Variants in PHF14 observed in about 807,000 individuals in gnomAD.
PHF14 encodes the protein PHD finger protein 14.
PHF14 carries 55 observed loss-of-function variants against 117.9 expected under a neutral mutation model. That is an observed-to-expected ratio of 0.47 (90% CI 0.38 to 0.58). The LOEUF is 0.58. Ranked by LOEUF, PHF14 falls within the 20% of genes least tolerant of loss-of-function variation. PHF14 has a pLI of 0.00. For missense variants in PHF14, 978 were observed against 1,122.2 expected, an observed-to-expected ratio of 0.87 and a Z score of 1.84; for synonymous variants, 409 against 368.6, an observed-to-expected ratio of 1.11 and a Z score of -1.26.
intron 2 of PHF14, 142 bp downstream of exon 2, chr7:10,975,087 A>C (rs1230789796): frequency 7.7e-6 from 5 of 647,026 alleles, no homozygotes; most frequent in Non-Finnish European, 1.1e-5. Context: ...TTGATTTCCC[A>C]TTTTGCCTTT....
At chr7:11,040,640 A>T in intron 11 of PHF14, 32 bp from the exon 12 acceptor site, 8 of 1,168,590 alleles carry the variant, frequency 6.8e-6, no homozygotes, top group Non-Finnish European at 9.5e-6. Flanking sequence ...CTTTCTTAAA[A>T]CAATATATAC....
intron 16 of PHF14, among the ~76,000 whole-genome samples, chr7:11,099,822 T>C (rs998287684): frequency 6.6e-6 from 1 of 152,102 alleles, no homozygotes; most frequent in Non-Finnish European, 1.5e-5. Flanking sequence ...TCAAAAAAGA[T>C]CCTAAAGTCT....
intron 17 of PHF14, among the ~76,000 whole-genome samples, chr7:11,133,121 A>T (rs1192043119): frequency 3.3e-5 from 5 of 151,966 alleles, no homozygotes; most frequent in Non-Finnish European, 7.4e-5. Flanking sequence ...TCAAGATGTC[A>T]GTTCTTTTCA....
rs1788068477 is a variant in PHF14 at position 11,130,623 on chromosome 7, C to A, written c.2772+19156C>A. ...CCTAGTTTCCTCTGTTACCATCTTG[C>A]ATTCATGTGGTACATTTGTTAAAAA... On this transcript the variant is annotated intron_variant, in intron 17 of 17. Transcript: ENST00000634607. The surrounding 1 kb of genome is among the most constrained non-coding windows in gnomAD (Gnocchi z 4.2). Among the ~76,000 whole-genome samples the A allele has an allele frequency of 6.6e-6, 1 of 151,934 alleles. No homozygotes were observed.
Position 10,983,021 on chromosome 7 carries a change from CAAT to C in PHF14, c.763_765del (p.Asn255del). 6.3e-7 allele frequency: 1 copy of C among 1,586,098 alleles called. No individual in the cohort carries two copies. Among genetic ancestry groups the C allele is most frequent in the Non-Finnish European group, 8.6e-7 (1 of 1,169,266 alleles). On this transcript the variant is annotated inframe_deletion, in exon 3 of 18. Transcript: ENST00000634607. ...GTGATGAAGACGAGAATGATGAAGG[CAAT>C]GATGAAGATCATAGTAGCCCTGCCA...
rs189056871 is a variant in PHF14 at position 11,010,582 on chromosome 7, A to G, written c.1046-3165A>G. The stretch of plus-strand genomic sequence containing the variant: ...TATAGTTTAATTTGTAACTATTAAT[A>G]TTAACTATATTTAGCATAACTATTA... On this transcript the variant is annotated intron_variant, in intron 4 of 17. Coordinates refer to ENST00000634607, the MANE Select transcript of PHF14 (RefSeq NM_001007157.2). Among the ~76,000 whole-genome samples the G allele has an allele frequency of 5.7e-4, 87 of 152,148 alleles. No individual in the cohort carries two copies. In the East Asian group the frequency reaches 0.014, roughly 24 times the overall value.
rs544137680 is a variant in PHF14 at position 11,101,371 on chromosome 7, A to G, written c.2655-9979A>G. On this transcript the variant is annotated intron_variant, in intron 16 of 17. Coordinates refer to ENST00000634607, the MANE Select transcript of PHF14 (RefSeq NM_001007157.2). ...AAATGATTTGGTTGCTTCCTCTTGC[A>G]TTATACTTTTCCAGTAGTAAACTAC... Among the ~76,000 whole-genome samples the G allele has an allele frequency of 3.3e-5, 5 of 151,948 alleles. No individual in the cohort carries two copies. The South Asian group carries it at 8.3e-4, about 25-fold the overall frequency.
chr7:10,980,900 G>A (rs1232156568), intron 2 of PHF14, among the ~76,000 whole-genome samples: 4 of 152,138 alleles, frequency 2.6e-5, no homozygotes, highest in Non-Finnish European at 5.9e-5. Flanking sequence ...TGACCCGTAT[G>A]ATATTGCTCT....
chr7:11,106,998 T>A (rs184130265), intron 16 of PHF14: 2 of 983,040 alleles, frequency 2.0e-6, no homozygotes, highest in East Asian at 1.1e-4. Context: ...ATGTTATGGA[T>A]TTTGCTTCTT....
chr7:11,102,380 G>C (rs999284213), intron 16 of PHF14: 2 of 1,193,934 alleles, frequency 1.7e-6, no homozygotes, highest in Non-Finnish European at 2.4e-6. Context: ...CAGATCATAT[G>C]TTATTTGAAT....
chr7:11,079,770 G>A (rs573723976), intron 16 of PHF14, among the ~76,000 whole-genome samples: 14 of 152,052 alleles, frequency 9.2e-5, no homozygotes, highest in African/African-American at 2.6e-4. Flanking sequence ...TCATTTAGCT[G>A]TATTATCAAA....
chr7:11,105,220 A>G (rs966091771), intron 16 of PHF14: 4 of 959,206 alleles, frequency 4.2e-6, no homozygotes, highest in Non-Finnish European at 3.7e-6. Flanking sequence ...TAGAAATTAT[A>G]TTTATGCATT....
At position 10,995,604 on chromosome 7, in the gene PHF14, G is replaced by A. The variant is rs139784812; in HGVS notation, c.1045+4757G>A. 5.6e-3 allele frequency among the ~76,000 whole-genome samples: 849 copies of A among 152,326 alleles called. 23 individuals carry two copies. Among genetic ancestry groups the A allele is most frequent in the East Asian group, 0.028 (147 of 5,170 alleles). On this transcript the variant is annotated intron_variant, in intron 4 of 17. Coordinates refer to ENST00000634607, the MANE Select transcript of PHF14 (RefSeq NM_001007157.2). Reference sequence around the variant, plus strand: ...GGGACCGCGCCACAGAGCGGGGGCAGCACTCATAAGGGAGGCTCAGGCCAC... The same window carrying A: ...GGGACCGCGCCACAGAGCGGGGGCAACACTCATAAGGGAGGCTCAGGCCAC...
chr7:11,117,717 G>A (rs368037808), intron 17 of PHF14, among the ~76,000 whole-genome samples: 1 of 150,034 alleles, frequency 6.7e-6, no homozygotes, highest in Non-Finnish European at 1.5e-5. Flanking sequence ...GGAGTATCTT[G>A]CCACAATACA....
At chr7:11,008,259 AGATATC>A (rs1267715314) in intron 4 of PHF14, among the ~76,000 whole-genome samples, 1 of 152,218 alleles carries the variant, frequency 6.6e-6, no homozygotes, top group Non-Finnish European at 1.5e-5. Context: ...GTATGCAAAA[AGATATC>A]CTTAGGAGTG....
chr7:11,096,229 C>G (rs1177176299), intron 16 of PHF14, among the ~76,000 whole-genome samples: 1 of 151,918 alleles, frequency 6.6e-6, no homozygotes, highest in African/African-American at 2.4e-5. Flanking sequence ...TTAGGGCCAT[C>G]CATGTATTTT....
chr7:11,034,527 TTTC>T (rs1050394113), intron 7 of PHF14, among the ~76,000 whole-genome samples: 4 of 149,008 alleles, frequency 2.7e-5, no homozygotes, highest in Non-Finnish European at 5.9e-5. Context: ...GGGCTTAGAA[TTTC>T]TTAATTCTAT....
chr7:10,975,014 A>G, intron 2 of PHF14, 69 bp downstream of exon 2: 1 of 797,454 alleles, frequency 1.3e-6, no homozygotes, highest in Non-Finnish European at 2.1e-6. Flanking sequence ...GACTTTTTAA[A>G]TCGGTTTTGA....
intron 7 of PHF14, among the ~76,000 whole-genome samples, chr7:11,030,242 G>A (rs1008622620): frequency 3.9e-5 from 6 of 151,986 alleles, no homozygotes; most frequent in South Asian, 2.1e-4. Flanking sequence ...GCAAAAGTAC[G>A]AGAGGGCAAT....
Sources: gnomAD v4.1 joint callset for allele counts (sites outside exome capture counted in the v4.1 genomes callset) on GRCh38, gnomAD v4.1.1 for gene constraint, Gnocchi (gnomAD v3.1) non-coding constraint, MANE v1.5 for transcripts, NCBI Gene and HGNC (gene_info 2026-07-23, HGNC 2026-07-21) for gene names.